The following TMEM71 variants were observed in gnomAD, a reference collection of about 807,000 sequenced individuals.
TMEM71 encodes transmembrane protein 71.
In TMEM71, 44 loss-of-function variants were observed where a neutral mutation model predicts 38.0. That is an observed-to-expected ratio of 1.16 (90% CI 0.91 to 1.49). The LOEUF (loss-of-function observed/expected upper bound fraction) is 1.49. TMEM71 is among the 40% of genes most tolerant of loss of function. TMEM71 has a pLI of 0.00. For missense variants in TMEM71, 367 were observed against 348.6 expected, an observed-to-expected ratio of 1.05 and a Z score of -0.42; for synonymous variants, 133 against 122.5, an observed-to-expected ratio of 1.09 and a Z score of -0.56.
At chr8:132,741,295 G>A (rs1214841936) in intron 5 of TMEM71, among the ~76,000 whole-genome samples, 2 of 152,162 alleles carry the variant, frequency 1.3e-5, no homozygotes, top group African/African-American at 2.4e-5. Context: ...CCAGGGAGAC[G>A]GAGGTTGCAG....
At chr8:132,761,631 T>A (rs886657659), upstream of TMEM71, among the ~76,000 whole-genome samples, 1 of 152,224 alleles carries the variant, frequency 6.6e-6, no homozygotes, top group African/African-American at 2.4e-5. Flanking sequence ...TTCAAAGTTC[T>A]CTGTCTCTGG....
the TMEM71 span, among the ~76,000 whole-genome samples, chr8:132,765,787 T>C: frequency 6.6e-6 from 1 of 151,278 alleles, no homozygotes; most frequent in Non-Finnish European, 1.5e-5. Context: ...CTATTATTAT[T>C]ATTATTATTA....
intron 2 of TMEM71, 111 bp downstream of exon 2, chr8:132,758,729 A>T (rs1829169251): frequency 1.2e-6 from 1 of 866,198 alleles, no homozygotes; most frequent in African/African-American, 1.7e-5. Context: ...AGCACAAGCT[A>T]CTGACAGATG....
At chr8:132,751,734 T>G in intron 4 of TMEM71, 51 bp downstream of exon 4, 1 of 1,512,692 alleles carries the variant, frequency 6.6e-7, no homozygotes, top group African/African-American at 1.4e-5. Flanking sequence ...GAATAAACAA[T>G]TAATGGATGG....
intron 5 of TMEM71, among the ~76,000 whole-genome samples, chr8:132,740,510 A>G (rs1010634567): frequency 2.0e-5 from 3 of 152,170 alleles, no homozygotes; most frequent in African/African-American, 7.2e-5. Context: ...CATTTTATTC[A>G]CCACTATGTC....
intron 5 of TMEM71, among the ~76,000 whole-genome samples, chr8:132,729,103 A>C (rs1252943613): frequency 1.3e-5 from 2 of 152,264 alleles, no homozygotes; most frequent in Admixed American, 6.5e-5. Context: ...AAAAGCATGC[A>C]TGCAACTTCA....
chr8:132,752,604 T>C (rs912800741), intron 3 of TMEM71, among the ~76,000 whole-genome samples: 1 of 152,012 alleles, frequency 6.6e-6, no homozygotes, highest in African/African-American at 2.4e-5. Context: ...CGTGGTGGCA[T>C]GTGCCTATAG....
intron 3 of TMEM71, among the ~76,000 whole-genome samples, chr8:132,756,900 T>A (rs1261708920): frequency 1.3e-5 from 2 of 152,038 alleles, no homozygotes; most frequent in African/African-American, 4.8e-5. Flanking sequence ...AGAATGATTT[T>A]TTTTTTAGAC....
At chr8:132,737,372 A>G (rs1411610179) in intron 5 of TMEM71, among the ~76,000 whole-genome samples, 1 of 152,238 alleles carries the variant, frequency 6.6e-6, no homozygotes, top group Non-Finnish European at 1.5e-5. Context: ...GATTCCACAC[A>G]TAACACATCT....
chr8:132,738,427 C>T (rs1300249553), intron 5 of TMEM71, among the ~76,000 whole-genome samples: 1 of 152,184 alleles, frequency 6.6e-6, no homozygotes, highest in Non-Finnish European at 1.5e-5. Context: ...GTCAATTCTA[C>T]CTTGGAAAAT....
At chr8:132,737,346 T>C (rs1827806396) in intron 5 of TMEM71, among the ~76,000 whole-genome samples, 1 of 152,196 alleles carries the variant, frequency 6.6e-6, no homozygotes, top group East Asian at 1.9e-4. Context: ...AACTTCTCCT[T>C]TGCCTTTGGA....
In TMEM71 at chr8:132,746,997, T is replaced by A. The variant is rs73343494; in HGVS notation, c.432A>T (p.Glu144Asp). 1,438 of 1,613,680 alleles carry A rather than the reference T, an allele frequency of 8.9e-4. 20 individuals carry two copies. In the African/African-American group the frequency reaches 0.018, roughly 20 times the overall value. The change falls in exon 5 of 10, where the codon GAA becomes GAT. Residue 144 changes from glutamate to aspartate, a missense_variant. Transcript: ENST00000677595. ...IFGDINSSPS[E>D]DNWLKGTRRL... ...TCCTGGTCCCCTTCAACCAGTTGTCTTCACTTGGAGAAGAGTTGATGTCAC... is the reference window on the plus strand; with the variant it reads ...TCCTGGTCCCCTTCAACCAGTTGTCATCACTTGGAGAAGAGTTGATGTCAC...
intron 3 of TMEM71, among the ~76,000 whole-genome samples, chr8:132,755,294 T>C (rs1178538897): frequency 2.0e-5 from 3 of 152,170 alleles, no homozygotes; most frequent in African/African-American, 7.2e-5. Context: ...ACCTGGATCA[T>C]AGTTTAAAAA....
At chr8:132,770,363 G>A in the TMEM71 span, among the ~76,000 whole-genome samples, 10 of 152,092 alleles carry the variant, frequency 6.6e-5, no homozygotes, top group African/African-American at 1.9e-4. Context: ...CATTCCCATC[G>A]CTCAGTCCAC....
chr8:132,775,897 T>G, the TMEM71 span, among the ~76,000 whole-genome samples: 1 of 152,174 alleles, frequency 6.6e-6, no homozygotes, highest in Admixed American at 6.5e-5. Context: ...CTTTCCTGCC[T>G]GTCTCGTGCC....
intron 4 of TMEM71, among the ~76,000 whole-genome samples, chr8:132,750,925 C>T (rs1828672392): frequency 6.6e-6 from 1 of 152,142 alleles, no homozygotes; most frequent in African/African-American, 2.4e-5. Flanking sequence ...TTCTTTTTAT[C>T]TATTTCCCCA....
At chr8:132,745,849 A>T (rs1828310099) in intron 5 of TMEM71, among the ~76,000 whole-genome samples, 6 of 152,062 alleles carry the variant, frequency 3.9e-5, no homozygotes, top group Admixed American at 6.6e-5. Context: ...AAAAATAATG[A>T]AATCATGCCC....
intron 4 of TMEM71, among the ~76,000 whole-genome samples, chr8:132,748,514 T>A (rs1006641526): frequency 6.6e-6 from 1 of 152,226 alleles, no homozygotes; most frequent in Admixed American, 6.5e-5. Context: ...GAACTCTCTC[T>A]GTCATAGGTT....
chr8:132,749,071 AT>A (rs958193535), intron 4 of TMEM71, among the ~76,000 whole-genome samples: 12 of 151,690 alleles, frequency 7.9e-5, no homozygotes, highest in Non-Finnish European at 1.2e-4. Context: ...AATTTATTTT[AT>A]TTTTTTATAG....
Sources: gnomAD v4.1 joint callset for allele counts (sites outside exome capture counted in the v4.1 genomes callset) on GRCh38, gnomAD v4.1.1 for gene constraint, MANE v1.5 for transcripts, NCBI Gene and HGNC (gene_info 2026-07-23, HGNC 2026-07-21) for gene names.